The following STAC variants were observed in gnomAD, a reference collection of about 807,000 sequenced individuals.
STAC encodes SH3 and cysteine rich domain.
Under a neutral mutation model 48.8 loss-of-function variants are expected in STAC, and 43 were observed. The ratio of observed to expected loss-of-function variants is 0.88; its 90% CI spans 0.69 to 1.14. The LOEUF (loss-of-function observed/expected upper bound fraction) is 1.14, where lower values mean the gene tolerates loss of function less well. STAC is among the 50% of genes most tolerant of loss of function. The pLI is 0.00. For missense variants in STAC, 497 were observed against 504.0 expected, an observed-to-expected ratio of 0.99 and a Z score of 0.13; for synonymous variants, 193 against 179.5, an observed-to-expected ratio of 1.07 and a Z score of -0.60.
chr3:36,434,548 T>C (rs1327522089), intron 1 of STAC, among the ~76,000 whole-genome samples: 1 of 152,186 alleles, frequency 6.6e-6, no homozygotes, highest in Non-Finnish European at 1.5e-5. Flanking sequence ...GAAATGTCTG[T>C]ATAGTGGCAA....
intron 1 of STAC, among the ~76,000 whole-genome samples, chr3:36,406,054 G>C (rs56981041): frequency 0.023 from 3,537 of 152,216 alleles, 60 homozygotes; most frequent in East Asian, 0.026. Context: ...AGACTGTTTC[G>C]TATTTCCCCT....
chr3:36,444,507 A>G (rs1004735611), intron 2 of STAC, among the ~76,000 whole-genome samples: 1 of 152,278 alleles, frequency 6.6e-6, no homozygotes, highest in Middle Eastern at 3.4e-3. Context: ...CACATCATGC[A>G]CTTCTCATGG....
At chr3:36,510,124 C>T (rs981406069) in intron 8 of STAC, among the ~76,000 whole-genome samples, 1 of 151,658 alleles carries the variant, frequency 6.6e-6, no homozygotes, top group African/African-American at 2.4e-5. Flanking sequence ...GAAAAAAACC[C>T]CATCAAAAAG....
intron 2 of STAC, among the ~76,000 whole-genome samples, chr3:36,457,215 T>C (rs550093219): frequency 1.1e-4 from 16 of 152,262 alleles, no homozygotes; most frequent in South Asian, 8.3e-4. Flanking sequence ...ACTCAAAATA[T>C]AGACCTGCAA....
In STAC at chr3:36,546,365, C is replaced by T. The variant is rs993337971; in HGVS notation, c.*76C>T. ...TGCCTCATCTCACACTGCGTCAACCCAAAGGAGCTGCCGCACTGACCCAGC... is the reference window on the plus strand; with the variant it reads ...TGCCTCATCTCACACTGCGTCAACCTAAAGGAGCTGCCGCACTGACCCAGC... On this transcript the variant is annotated 3_prime_UTR_variant, in exon 11 of 11. Coordinates refer to ENST00000273183, the MANE Select transcript of STAC (RefSeq NM_003149.3). 7 of 1,319,364 alleles carry T rather than the reference C, an allele frequency of 5.3e-6. No homozygotes were observed. The African/African-American group carries it at 8.7e-5, about 16-fold the overall frequency. 81.7% of individuals were successfully genotyped at this position (1,319,364 alleles called of 1,614,324 possible).
Position 36,380,636 on chromosome 3 carries a change from C to T in STAC, c.-8C>T, listed in dbSNP as rs748054421. ...CCGGGAGCCCAACACCGTTCCCGCG[C>T]GGCCACGATGATCCCTCCGAGCAGC... On this transcript the variant is annotated 5_prime_UTR_variant, in exon 1 of 11. Coordinates refer to ENST00000273183, the MANE Select transcript of STAC (RefSeq NM_003149.3). The T allele has an allele frequency of 5.1e-6, 8 of 1,577,486 alleles. No individual in the cohort carries two copies. The African/African-American group carries it at 8.1e-5, about 16-fold the overall frequency.
At chr3:36,544,935 T>C (rs995590943) in intron 10 of STAC, among the ~76,000 whole-genome samples, 2 of 152,202 alleles carry the variant, frequency 1.3e-5, no homozygotes, top group East Asian at 1.9e-4. Flanking sequence ...ACGAGTCAGA[T>C]ACCAGTCCAT....
chr3:36,394,778 T>C (rs1487213354), intron 1 of STAC, among the ~76,000 whole-genome samples: 1 of 151,598 alleles, frequency 6.6e-6, no homozygotes, highest in East Asian at 1.9e-4. Context: ...ACACCTGTAG[T>C]CCCAGCTACT....
intron 10 of STAC, among the ~76,000 whole-genome samples, chr3:36,534,510 T>A (rs1315644159): frequency 2.0e-5 from 3 of 152,060 alleles, no homozygotes; most frequent in Non-Finnish European, 4.4e-5. Context: ...ATTCTAAAGA[T>A]AAATGCAATG....
chr3:36,474,421 T>A (rs1470726853), intron 2 of STAC, among the ~76,000 whole-genome samples: 2 of 152,206 alleles, frequency 1.3e-5, no homozygotes, highest in East Asian at 3.8e-4. Context: ...TCATAGACAG[T>A]GTTGAGAGAC....
At chr3:36,402,325 G>C (rs1700012907) in intron 1 of STAC, among the ~76,000 whole-genome samples, 1 of 151,870 alleles carries the variant, frequency 6.6e-6, no homozygotes, top group South Asian at 2.1e-4. Context: ...AAAAGGGAAG[G>C]GAAGAGCGAG....
intron 1 of STAC, among the ~76,000 whole-genome samples, chr3:36,405,602 C>T (rs535278760): frequency 1.3e-5 from 2 of 152,278 alleles, no homozygotes; most frequent in African/African-American, 4.8e-5. Flanking sequence ...CTTGCCTCCC[C>T]GTCAGCTCCA....
chr3:36,400,791 T>C (rs780789545), intron 1 of STAC, among the ~76,000 whole-genome samples: 3 of 152,194 alleles, frequency 2.0e-5, no homozygotes, highest in Non-Finnish European at 2.9e-5. Flanking sequence ...GTGCCTGTGA[T>C]ATCCATCCTA....
At chr3:36,544,328 C>A (rs1039694595) in intron 10 of STAC, among the ~76,000 whole-genome samples, 2 of 152,060 alleles carry the variant, frequency 1.3e-5, no homozygotes, top group Non-Finnish European at 2.9e-5. Context: ...CACCATCACA[C>A]CCAGCTAATT....
intron 6 of STAC, among the ~76,000 whole-genome samples, chr3:36,499,770 T>C (rs1435088963): frequency 6.6e-6 from 1 of 151,992 alleles, no homozygotes; most frequent in East Asian, 1.9e-4. Context: ...AAGTTTTTTT[T>C]TAACTTTCTG....
chr3:36,437,639 A>AG (rs1696184271), intron 1 of STAC, among the ~76,000 whole-genome samples: 1 of 57,684 alleles, frequency 1.7e-5, no homozygotes, highest in Non-Finnish European at 3.1e-5. Flanking sequence ...GGGTGGGGGG[A>AG]GGGGGGAGGG....
At chr3:36,448,781 T>C (rs1181717871) in intron 2 of STAC, among the ~76,000 whole-genome samples, 1 of 151,986 alleles carries the variant, frequency 6.6e-6, no homozygotes, top group Non-Finnish European at 1.5e-5. Flanking sequence ...CTTAAAGCAG[T>C]TTCAGAAGTA....
chr3:36,515,894 G>C (rs1698659407), intron 8 of STAC, among the ~76,000 whole-genome samples: 1 of 150,974 alleles, frequency 6.6e-6, no homozygotes. Flanking sequence ...TTCTATCTTT[G>C]CAACTATCCG....
intron 2 of STAC, among the ~76,000 whole-genome samples, chr3:36,448,389 T>G (rs1291243022): frequency 6.6e-6 from 1 of 151,898 alleles, no homozygotes; most frequent in African/African-American, 2.4e-5. Context: ...CCCTGGCTAA[T>G]TTTTGTATTT....
Sources: gnomAD v4.1 joint callset for allele counts (sites outside exome capture counted in the v4.1 genomes callset) on GRCh38, gnomAD v4.1.1 for gene constraint, MANE v1.5 for transcripts, NCBI Gene and HGNC (gene_info 2026-07-23, HGNC 2026-07-21) for gene names.